ZNF57: variants seen among roughly 807,000 people sequenced by gnomAD.
ZNF57 encodes zinc finger protein 57.
A neutral mutation model predicts 13.4 loss-of-function variants in ZNF57; 11 were observed. The observed-to-expected ratio is 0.82, with a 90% CI of 0.52 to 1.36. The LOEUF is 1.36. Ranked by LOEUF, ZNF57 falls within the 40% of genes most tolerant of loss-of-function variation. ZNF57 has a pLI of 0.00. For synonymous variants in ZNF57, 224 were observed against 238.5 expected (o/e 0.94, Z 0.56); for missense variants, 696 against 667.5 (o/e 1.04, Z -0.47).
intron 1 of ZNF57, among the ~76,000 whole-genome samples, chr19:2,910,457 C>CTTTTTT (rs1212426647): frequency 3.5e-4 from 3 of 8,632 alleles, no homozygotes; most frequent in South Asian, 5.3e-3. Flanking sequence ...CTTTTCTTTT[C>CTTTTTT]TTTTTTTTTT....
intron 1 of ZNF57, among the ~76,000 whole-genome samples, chr19:2,911,887 T>G (rs1873508093): frequency 6.6e-6 from 1 of 152,242 alleles, no homozygotes; most frequent in South Asian, 2.1e-4. Context: ...ATTAGAGCAC[T>G]TCACCTGTTA....
chr19:2,916,046 C>A lies in ZNF57; in HGVS notation c.131-32C>A, dbSNP rs1439562326. Reference sequence around the variant, plus strand: ...TCCTTTGCTTAATACGTGTCTTATTCCTTTTGAGATTTGTTTACTTTTTTG... The same window carrying A: ...TCCTTTGCTTAATACGTGTCTTATTACTTTTGAGATTTGTTTACTTTTTTG... On this transcript the variant is annotated intron_variant, in intron 2 of 3. Transcript: ENST00000306908. 6 of 1,598,902 alleles carry A rather than the reference C, an allele frequency of 3.8e-6. No homozygotes were observed. In the Admixed American group the frequency reaches 1.1e-4, roughly 28 times the overall value.
intron 1 of ZNF57, among the ~76,000 whole-genome samples, chr19:2,908,602 G>A (rs1299495271): frequency 6.6e-6 from 1 of 151,442 alleles, no homozygotes; most frequent in Non-Finnish European, 1.5e-5. Flanking sequence ...TGCATTTTTA[G>A]TAGAGATAGC....
intron 1 of ZNF57, among the ~76,000 whole-genome samples, chr19:2,903,298 G>A (rs2088044659): frequency 6.6e-6 from 1 of 151,950 alleles, no homozygotes; most frequent in Non-Finnish European, 1.5e-5. Flanking sequence ...TGTATCATCC[G>A]CCTCCCGGGT....
Position 2,917,838 on chromosome 19 carries a change from C to T in ZNF57, c.1217C>T (p.Ser406Leu), listed in dbSNP as rs199768041. 1.2e-5 allele frequency: 19 copies of T among 1,611,790 alleles called. No individual in the cohort carries two copies. In the East Asian group the frequency reaches 4.0e-4, roughly 34 times the overall value. The part of the protein sequence containing the change: ...QCGKAFTSSR[S>L]FRGHLRTHTG... ...GGGAAGGCTTTTACCTCTTCCAGAT[C>T]ATTCCGAGGTCATTTGAGGACGCAC... The change falls in exon 4 of 4, where the codon TCA becomes TTA. Residue 406 changes from serine (S) to leucine (L), a missense_variant. Physicochemically the swap from Ser to Leu is moderately radical, Grantham distance 145 (BLOSUM62 -2). Transcript: ENST00000306908.
At chr19:2,905,241 T>C (rs2088062169) in intron 1 of ZNF57, among the ~76,000 whole-genome samples, 3 of 151,936 alleles carry the variant, frequency 2.0e-5, no homozygotes, top group Admixed American at 2.0e-4. Flanking sequence ...CTTGGCTCAC[T>C]GCATCCTCCG....
At chr19:2,909,131 T>C (rs1331877166) in intron 1 of ZNF57, among the ~76,000 whole-genome samples, 1 of 152,080 alleles carries the variant, frequency 6.6e-6, no homozygotes, top group Non-Finnish European at 1.5e-5. Flanking sequence ...CTTTTGGCTA[T>C]TGTGAATAGT....
rs549173372 is a variant in ZNF57, at chr19:2,906,164, G to A, written c.3+5116G>A. 2.6e-5 allele frequency among the ~76,000 whole-genome samples: 4 copies of A among 152,166 alleles called. No individual in the cohort carries two copies. In the East Asian group the frequency reaches 5.8e-4, roughly 22 times the overall value. ...AAACTCCTGCACTCAAGCGATCTTC[G>A]GCCTCAGCCTCCTGAGTAGCTGGGA... On this transcript the variant is annotated intron_variant, in intron 1 of 3. Coordinates refer to ENST00000306908, the MANE Select transcript of ZNF57 (RefSeq NM_173480.3).
chr19:2,916,593 G>C, intron 3 of ZNF57: 1 of 244,082 alleles, frequency 4.1e-6, no homozygotes, highest in Non-Finnish European at 7.9e-6. Context: ...GCAGGCACCT[G>C]TAGTCCCAGC....
chr19:2,909,229 A>C (rs1568180591), intron 1 of ZNF57, among the ~76,000 whole-genome samples: 1 of 151,122 alleles, frequency 6.6e-6, no homozygotes, highest in Admixed American at 6.6e-5. Context: ...TCCATTTGAT[A>C]ATACTATGTT....
At position 2,901,812 on chromosome 19, in the gene ZNF57, C is replaced by T. The variant is rs536186544; in HGVS notation, c.3+764C>T. Reference sequence around the variant, plus strand: ...GATTACAGGCGTGAGCCACCGCGCCCGGCAATCATTAGTCCTTATAGGTTT... The same window carrying T: ...GATTACAGGCGTGAGCCACCGCGCCTGGCAATCATTAGTCCTTATAGGTTT... On this transcript the variant is annotated intron_variant, in intron 1 of 3. Transcript: ENST00000306908. 2.0e-5 allele frequency among the ~76,000 whole-genome samples: 3 copies of T among 152,264 alleles called. No individual in the cohort carries two copies. The South Asian group carries it at 6.2e-4, about 32-fold the overall frequency.
intron 1 of ZNF57, among the ~76,000 whole-genome samples, chr19:2,907,364 C>T (rs975790856): frequency 6.6e-6 from 1 of 152,044 alleles, no homozygotes; most frequent in Non-Finnish European, 1.5e-5. Flanking sequence ...TGCAGCAGGC[C>T]CACGAGCCTG....
Position 2,917,563 on chromosome 19 carries a change from GA to G in ZNF57, c.946del (p.Thr316HisfsTer12), listed in dbSNP as rs746077003. The G allele has an allele frequency of 1.7e-5, 27 of 1,613,820 alleles. No homozygotes were observed. The highest frequency in any genetic ancestry group is 1.5e-5 in the Non-Finnish European group (18 of 1,179,922). On this transcript the variant is annotated frameshift_variant, in exon 4 of 4. Coordinates refer to ENST00000306908, the MANE Select transcript of ZNF57 (RefSeq NM_173480.3). LOFTEE classifies it low-confidence loss of function (END_TRUNC). The part of the protein sequence containing the change: ...EKPYECKQCG[K>X]TFSWSETLRV... ...AGCCCTATGAATGCAAGCAGTGTGGGAAAACATTCAGTTGGTCTGAAACCTT... is the reference window on the plus strand; with the variant it reads ...AGCCCTATGAATGCAAGCAGTGTGGGAAACATTCAGTTGGTCTGAAACCTT...
intron 1 of ZNF57, among the ~76,000 whole-genome samples, chr19:2,911,502 C>T (rs1204112924): frequency 6.6e-6 from 1 of 151,832 alleles, no homozygotes; most frequent in Non-Finnish European, 1.5e-5. Flanking sequence ...CATCGCACTC[C>T]AGCCTGGGCG....
chr19:2,900,980 C>T lies in ZNF57; in HGVS notation c.-66C>T, dbSNP rs912655425. ...ACGAGCGGCCCGGGAGTACCTGTAC[C>T]TTTCAGCTGCGCCGGCCGCGAGGCC... On this transcript the variant is annotated 5_prime_UTR_variant, in exon 1 of 4. Coordinates refer to ENST00000306908, the MANE Select transcript of ZNF57 (RefSeq NM_173480.3). 6 of 1,548,644 alleles carry T rather than the reference C, an allele frequency of 3.9e-6. No individual in the cohort carries two copies. In the African/African-American group the frequency reaches 4.1e-5, roughly 11 times the overall value.
At chr19:2,902,584 CA>C (rs1169332233) in intron 1 of ZNF57, among the ~76,000 whole-genome samples, 1 of 152,032 alleles carries the variant, frequency 6.6e-6, no homozygotes, top group African/African-American at 2.4e-5. Flanking sequence ...AGCAATCAGA[CA>C]AAAAATAATA....
At position 2,917,390 on chromosome 19, in the gene ZNF57, T is replaced by C. The variant is rs780139941; in HGVS notation, c.769T>C (p.Cys257Arg). The C allele has an allele frequency of 2.5e-6, 4 of 1,614,190 alleles. No individual in the cohort carries two copies. Among genetic ancestry groups the C allele is most frequent in the Admixed American group, 1.7e-5 (1 of 60,006 alleles). The change falls in exon 4 of 4, where the codon TGT (cysteine) becomes CGT (arginine). Residue 257 changes from cysteine to arginine, a missense_variant. Transcript: ENST00000306908. Reference sequence around the variant, plus strand: ...AGACAGGCCATATAAATGTCAGGAATGTGGGAGAGCCTTCATTTATCCCTC... The same window carrying C: ...AGACAGGCCATATAAATGTCAGGAACGTGGGAGAGCCTTCATTTATCCCTC... ...TKDRPYKCQE[C>R]GRAFIYPSTF...
At chr19:2,904,142 C>T (rs186791117) in intron 1 of ZNF57, among the ~76,000 whole-genome samples, 78 of 152,274 alleles carry the variant, frequency 5.1e-4, no homozygotes, top group Non-Finnish European at 8.4e-4. Context: ...GGATTACAAG[C>T]ATGGGCCACT....
intron 1 of ZNF57, among the ~76,000 whole-genome samples, chr19:2,908,699 G>A (rs574965250): frequency 3.3e-5 from 5 of 152,022 alleles, no homozygotes; most frequent in South Asian, 2.1e-4. Context: ...CACTGCGCCC[G>A]GCCATTGGTT....
Sources: allele counts gnomAD v4.1 joint callset (sites outside exome capture counted in the v4.1 genomes callset), GRCh38; gene constraint gnomAD v4.1.1; transcripts MANE v1.5; gene names NCBI Gene and HGNC (gene_info 2026-07-23, HGNC 2026-07-21).